Variants in PNPLA7 observed in about 807,000 individuals in gnomAD.
PNPLA7 encodes the protein patatin like domain 7, lysophospholipase, also known as patatin-like phospholipase domain-containing protein 7.
In PNPLA7, 153 loss-of-function variants were observed where a neutral mutation model predicts 161.7. The ratio of observed to expected loss-of-function variants is 0.95; its 90% confidence interval spans 0.83 to 1.08. PNPLA7 has a LOEUF of 1.08. PNPLA7 is among the 50% of genes least tolerant of loss of function. The pLI is 0.00. For synonymous variants in PNPLA7, 809 were observed against 782.1 expected, an observed-to-expected ratio of 1.03 and a Z score of -0.57; for missense variants, 1,739 against 1,856.6, an observed-to-expected ratio of 0.94 and a Z score of 1.16.
intron 20 of PNPLA7, chr9:137,491,513 G>C: frequency 1.0e-6 from 1 of 983,226 alleles, no homozygotes; most frequent in Non-Finnish European, 1.2e-6. Context: ...ATTACGTTAC[G>C]TGTTAGACAG....
At position 137,542,649 on chromosome 9, in the gene PNPLA7, T is replaced by A; in HGVS notation, c.659A>T (p.Gln220Leu). ...CGCCGCCCTGCGACTCACAGTGTCC[T>A]GGATGCAGACCTCCAGCCGCCCGTC... ...VQDGRLEVCI[Q>L]DTDGTEVVVK... is the part of the protein sequence containing the mutation. The change falls in exon 7 of 35, where the codon CAG becomes CTG. Residue 220 changes from glutamine to leucine, a missense_variant. Physicochemically the swap from Gln to Leu is moderately radical, Grantham distance 113. Around this residue, in one of 6 missense-constraint regions of PNPLA7, gnomAD observed 152 missense variants for 193.5 expected, o/e 0.79. Transcript: ENST00000406427. The A allele has an allele frequency of 6.8e-6, 11 of 1,606,982 alleles. No individual in the cohort carries two copies. Among genetic ancestry groups the A allele is most frequent in the Non-Finnish European group, 9.4e-6 (11 of 1,175,988 alleles).
intron 9 of PNPLA7, among the ~76,000 whole-genome samples, chr9:137,522,173 C>T (rs900161302): frequency 2.0e-5 from 3 of 152,218 alleles, no homozygotes; most frequent in African/African-American, 7.2e-5. Flanking sequence ...CTCCCGGGTT[C>T]ATGCCGTTCT....
At chr9:137,487,795 C>T (rs1426914828) in intron 20 of PNPLA7, among the ~76,000 whole-genome samples, 6 of 152,230 alleles carry the variant, frequency 3.9e-5, no homozygotes, top group Non-Finnish European at 7.3e-5. Context: ...CCCGAGAGGC[C>T]GTCCCATCCA....
intron 25 of PNPLA7, 44 bp downstream of exon 25, chr9:137,477,990 C>T: frequency 7.8e-7 from 1 of 1,289,020 alleles, no homozygotes; most frequent in Non-Finnish European, 9.9e-7. Context: ...GCGACTGTCA[C>T]CACACACACC....
rs763557262 is a variant in PNPLA7 at position 137,524,655 on chromosome 9, GGCTGCCGT to G, written c.748-1806_748-1799del. ...AAACTACCAAACTGTCTCCTACAGC[GGCTGCCGT>G]GCTTTGCATTCTCACCAGCGGTGAG... On this transcript the variant is annotated intron_variant, in intron 8 of 34. Transcript: ENST00000406427. The surrounding 1 kb of genome is among the most constrained non-coding windows in gnomAD (Gnocchi z 4.4). 6.6e-6 allele frequency among the ~76,000 whole-genome samples: 1 copy of G among 152,158 alleles called. No homozygotes were observed. The highest frequency in any genetic ancestry group is 2.4e-5 in the African/African-American group (1 of 41,420).
Position 137,524,860 on chromosome 9 carries a change from G to A in PNPLA7, c.748-2003C>T, listed in dbSNP as rs112827028. Among the ~76,000 whole-genome samples the A allele has an allele frequency of 0.012, 1,809 of 151,322 alleles. 20 individuals carry two copies. The highest frequency in any genetic ancestry group is 0.019 in the Non-Finnish European group (1,267 of 68,006). ...TGGAATGAGTTTCCTTGGATGCCCCGTGGAATGAGTTTCCGTGGATGCCTG... is the reference window on the plus strand; with the variant it reads ...TGGAATGAGTTTCCTTGGATGCCCCATGGAATGAGTTTCCGTGGATGCCTG... On this transcript the variant is annotated intron_variant, in intron 8 of 34. Coordinates refer to ENST00000406427, the MANE Select transcript of PNPLA7 (RefSeq NM_001098537.3). The surrounding 1 kb of genome is among the most constrained non-coding windows in gnomAD (Gnocchi z 4.4).
chr9:137,493,140 C>T, intron 19 of PNPLA7, 58 bp from the exon 20 acceptor site: 1 of 1,553,782 alleles, frequency 6.4e-7, no homozygotes, highest in Admixed American at 1.7e-5. Context: ...ACACTGGGAA[C>T]CAAAGACAGT....
At chr9:137,506,415 G>A (rs762546883) in intron 12 of PNPLA7, among the ~76,000 whole-genome samples, 45 of 152,294 alleles carry the variant, frequency 3.0e-4, no homozygotes, top group Non-Finnish European at 5.0e-4. Context: ...CTTGCCATGC[G>A]TGCCACACCC....
At position 137,520,138 on chromosome 9, in the gene PNPLA7, C is replaced by A; in HGVS notation, c.958-95G>T. On this transcript the variant is annotated intron_variant, in intron 10 of 34. Coordinates refer to ENST00000406427, the MANE Select transcript of PNPLA7 (RefSeq NM_001098537.3). The surrounding 1 kb of genome is among the most constrained non-coding windows in gnomAD (Gnocchi z 5.2). ...TCAAAGGTGTGACAGGTGTGGGCTC[C>A]TCAAAGGTGTGACAGGTGTGGGCCC... The A allele has an allele frequency of 1.1e-5, 17 of 1,546,952 alleles. No homozygotes were observed. The highest frequency in any genetic ancestry group is 1.5e-5 in the Non-Finnish European group (17 of 1,147,258).
At chr9:137,494,405 G>A (rs187642153) in intron 19 of PNPLA7, among the ~76,000 whole-genome samples, 3 of 152,218 alleles carry the variant, frequency 2.0e-5, no homozygotes, top group South Asian at 2.1e-4. Context: ...CCTGCTCACC[G>A]TCACCGCCCC....
intron 20 of PNPLA7, among the ~76,000 whole-genome samples, chr9:137,491,205 A>G (rs990327572): frequency 6.6e-6 from 1 of 152,202 alleles, no homozygotes; most frequent in Non-Finnish European, 1.5e-5. Context: ...GGCTGCAGGG[A>G]GCTATGATTG....
chr9:137,515,641 T>C (rs950189372), intron 11 of PNPLA7, 122 bp from the exon 12 acceptor site: 9 of 1,255,440 alleles, frequency 7.2e-6, no homozygotes, highest in African/African-American at 1.6e-5. Context: ...GAACGCGCTC[T>C]GGACCAGCCC....
At chr9:137,514,889 T>C (rs1298008923) in intron 12 of PNPLA7, among the ~76,000 whole-genome samples, 19 of 103,180 alleles carry the variant, frequency 1.8e-4, no homozygotes, top group African/African-American at 3.9e-4. Context: ...GGCGGGTCAC[T>C]CGGATGTTGA....
At position 137,486,714 on chromosome 9, in the gene PNPLA7, G is replaced by A. The variant is rs532046751; in HGVS notation, c.2198-1978C>T. 4.3e-4 allele frequency among the ~76,000 whole-genome samples: 66 copies of A among 152,204 alleles called. No homozygotes were observed. The South Asian group carries it at 0.013, about 29-fold the overall frequency. On this transcript the variant is annotated intron_variant, in intron 20 of 34. Transcript: ENST00000406427. This position sits in a 1 kb window ranked among gnomAD's most constrained non-coding sequence, Gnocchi z 6.0. ...CTGGGCCTCCACCGCCCAGCCTTGG[G>A]GTGGCTTCAGCCGCCTGCTTGAGAG... is the stretch of plus-strand genomic sequence containing the variant.
At chr9:137,546,763 G>A in intron 4 of PNPLA7, 67 bp downstream of exon 4, 1 of 1,478,710 alleles carries the variant, frequency 6.8e-7, no homozygotes, top group Non-Finnish European at 9.4e-7. Flanking sequence ...CACAGCAGAA[G>A]GGGTCCCTCC....
At chr9:137,525,170 C>A (rs114773507) in intron 8 of PNPLA7, among the ~76,000 whole-genome samples, 1 of 152,130 alleles carries the variant, frequency 6.6e-6, no homozygotes, top group Non-Finnish European at 1.5e-5. Context: ...AGCTAGACAT[C>A]GAGTTGGATC....
intron 20 of PNPLA7, among the ~76,000 whole-genome samples, chr9:137,487,872 G>A (rs1033676546): frequency 3.3e-5 from 5 of 152,152 alleles, no homozygotes; most frequent in South Asian, 2.1e-4. Flanking sequence ...CACGCCCTGC[G>A]AGGTGTCCCC....
intron 20 of PNPLA7, chr9:137,492,217 C>T: frequency 1.0e-6 from 1 of 985,272 alleles, no homozygotes; most frequent in South Asian, 4.7e-5. Context: ...AAATTCCCCA[C>T]ACTCTAGAAT....
intron 18 of PNPLA7, among the ~76,000 whole-genome samples, 187 bp downstream of exon 18, chr9:137,497,000 G>C (rs961246493): frequency 3.5e-4 from 54 of 152,196 alleles, no homozygotes; most frequent in African/African-American, 1.3e-3. Flanking sequence ...AAGCAGCCGC[G>C]GGGAGTCCCC....
Sources: gnomAD v4.1 joint callset for allele counts (sites outside exome capture counted in the v4.1 genomes callset) on GRCh38, gnomAD v4.1.1 for gene constraint, gnomAD v4.1.1 regional missense constraint, Gnocchi (gnomAD v3.1) non-coding constraint, MANE v1.5 for transcripts, NCBI Gene and HGNC (gene_info 2026-07-23, HGNC 2026-07-21) for gene names.